The following FARP1 variants were observed in gnomAD, a reference collection of about 807,000 sequenced individuals.
FARP1 encodes FERM, ARH/RhoGEF and pleckstrin domain protein 1.
A neutral mutation model predicts 128.8 loss-of-function variants in FARP1; 52 were observed. The ratio of observed to expected loss-of-function variants is 0.40; its 90% confidence interval spans 0.32 to 0.51. The LOEUF is 0.51. FARP1 is among the 20% of genes least tolerant of loss of function. FARP1 has a pLI of 0.45. For missense variants in FARP1, 1,333 were observed against 1,367.9 expected (o/e 0.97, Z 0.40); for synonymous variants, 580 against 551.8 (o/e 1.05, Z -0.72).
chr13:98,221,414 C>T (rs1881406377), intron 2 of FARP1, among the ~76,000 whole-genome samples: 1 of 151,922 alleles, frequency 6.6e-6, no homozygotes, highest in Admixed American at 6.6e-5. Context: ...TGTGTAGTCT[C>T]ACATCAAACT....
chr13:98,262,280 C>T (rs1278520137), intron 2 of FARP1, among the ~76,000 whole-genome samples: 2 of 151,690 alleles, frequency 1.3e-5, no homozygotes, highest in Non-Finnish European at 2.9e-5. Flanking sequence ...CTTAGCCTCT[C>T]AAAGTGCTGG....
At chr13:98,309,231 A>G (rs1402666655) in intron 2 of FARP1, among the ~76,000 whole-genome samples, 16 of 119,496 alleles carry the variant, frequency 1.3e-4, no homozygotes, top group South Asian at 5.5e-4. Flanking sequence ...CAGTGGCGCA[A>G]TCTCGGCTCA....
intron 16 of FARP1, among the ~76,000 whole-genome samples, chr13:98,418,699 C>G (rs1195677845): frequency 6.6e-6 from 1 of 152,168 alleles, no homozygotes; most frequent in African/African-American, 2.4e-5. Context: ...AACCGTTTTG[C>G]CAATTGCCAG....
intron 14 of FARP1, among the ~76,000 whole-genome samples, chr13:98,410,437 A>G (rs1426734072): frequency 2.0e-5 from 3 of 152,140 alleles, no homozygotes; most frequent in African/African-American, 7.2e-5. Flanking sequence ...GCTGACGGTA[A>G]TTTTTACCTG....
intron 3 of FARP1, among the ~76,000 whole-genome samples, chr13:98,352,680 C>T (rs1243360858): frequency 1.3e-5 from 2 of 152,186 alleles, no homozygotes; most frequent in Non-Finnish European, 2.9e-5. Flanking sequence ...ATTTAAAAAA[C>T]AGAGACTTCA....
intron 2 of FARP1, among the ~76,000 whole-genome samples, chr13:98,266,944 G>A (rs1364973451): frequency 6.6e-6 from 1 of 150,790 alleles, no homozygotes; most frequent in Admixed American, 6.6e-5. Context: ...AACCTGGGAG[G>A]TGGAGGTTGC....
intron 2 of FARP1, among the ~76,000 whole-genome samples, chr13:98,243,279 C>T (rs1330809708): frequency 6.6e-6 from 1 of 152,160 alleles, no homozygotes; most frequent in African/African-American, 2.4e-5. Flanking sequence ...CTTTGACTGT[C>T]TCAGATATAC....
intron 2 of FARP1, among the ~76,000 whole-genome samples, chr13:98,337,888 G>T (rs971115322): frequency 6.6e-5 from 10 of 152,226 alleles, no homozygotes; most frequent in African/African-American, 2.2e-4. Flanking sequence ...TTTGGGTAAA[G>T]AAATATTAGC....
Position 98,446,733 on chromosome 13 carries a change from A to T in FARP1, c.2972A>T (p.Asn991Ile). The change falls in exon 26 of 27, where the codon AAC becomes ATC. Residue 991 changes from asparagine to isoleucine, a missense_variant. Asn to Ile is a moderately radical substitution (Grantham distance 149, BLOSUM62 -3). Transcript: ENST00000319562. Reference sequence around the variant, plus strand: ...CTCACCATCCCCTCTGAGTCCGAGAACATCCAGAAAGACTACGTGTTCAAG... The same window carrying T: ...CTCACCATCCCCTCTGAGTCCGAGATCATCCAGAAAGACTACGTGTTCAAG... Reference protein sequence around the residue: ...YSLTIPSESENIQKDYVFKLH... With the variant: ...YSLTIPSESEIIQKDYVFKLH... 6.2e-7 allele frequency: 1 copy of T among 1,614,182 alleles called. No individual in the cohort carries two copies. Among genetic ancestry groups the T allele is most frequent in the Non-Finnish European group, 8.5e-7 (1 of 1,180,022 alleles).
At chr13:98,189,521 G>A (rs941606548) in intron 1 of FARP1, among the ~76,000 whole-genome samples, 1 of 152,138 alleles carries the variant, frequency 6.6e-6, no homozygotes, top group Non-Finnish European at 1.5e-5. Context: ...GTATTATAAT[G>A]AGCAGAACAG....
In FARP1 at chr13:98,367,257, A is replaced by G. The variant is rs543943165; in HGVS notation, c.320-860A>G. 4.6e-5 allele frequency among the ~76,000 whole-genome samples: 7 copies of G among 152,104 alleles called. No homozygotes were observed. The South Asian group carries it at 1.5e-3, about 32-fold the overall frequency. On this transcript the variant is annotated intron_variant, in intron 4 of 26. Coordinates refer to ENST00000319562, the MANE Select transcript of FARP1 (RefSeq NM_005766.4). ...CTGCCATCTCCACTTCCTGGGTTCA[A>G]ATGAGTCTCATGCCTCAGCCTCCTG...
At chr13:98,414,730 T>C (rs1302360496) in intron 16 of FARP1, among the ~76,000 whole-genome samples, 1 of 152,172 alleles carries the variant, frequency 6.6e-6, no homozygotes, top group African/African-American at 2.4e-5. Flanking sequence ...GCCCAGAGCC[T>C]AGAAAAGGAT....
At chr13:98,229,585 C>T (rs1881991345) in intron 2 of FARP1, among the ~76,000 whole-genome samples, 1 of 151,806 alleles carries the variant, frequency 6.6e-6, no homozygotes, top group African/African-American at 2.4e-5. Context: ...ACTGCAGCCT[C>T]AACCACCTGG....
intron 1 of FARP1, among the ~76,000 whole-genome samples, chr13:98,182,413 C>A (rs1042705029): frequency 1.3e-5 from 2 of 152,194 alleles, no homozygotes; most frequent in Middle Eastern, 3.4e-3. Flanking sequence ...GCTGCCTCAC[C>A]CTCCTGGACT....
At chr13:98,350,697 A>T (rs1888381295) in intron 3 of FARP1, among the ~76,000 whole-genome samples, 1 of 151,872 alleles carries the variant, frequency 6.6e-6, no homozygotes, top group South Asian at 2.1e-4. Flanking sequence ...TTCCCTCTGT[A>T]CTTTTTAATT....
At position 98,244,458 on chromosome 13, in the gene FARP1, A is replaced by G. The variant is rs571688710; in HGVS notation, c.171+31045A>G. 5.7e-6 allele frequency: 9 copies of G among 1,589,626 alleles called. No individual in the cohort carries two copies. In the Admixed American group the frequency reaches 1.6e-4, roughly 29 times the overall value. On this transcript the variant is annotated intron_variant, in intron 2 of 26. Transcript: ENST00000319562. ...AAACAACAACAAAAAGCGCCTTTTC[A>G]AGGGAGTAGCATTTGCTCTCCTCTC...
At chr13:98,165,709 GGTTTTTTTTTT>G (rs1877203657) in intron 1 of FARP1, among the ~76,000 whole-genome samples, 4 of 102,406 alleles carry the variant, frequency 3.9e-5, no homozygotes, top group African/African-American at 1.4e-4. Context: ...TTCCAGAAGG[GGTTTTTTTTTT>G]TTTTTTTTTT....
chr13:98,207,908 C>A lies in FARP1; in HGVS notation c.-23-5312C>A, dbSNP rs558392. On this transcript the variant is annotated intron_variant, in intron 1 of 26. Coordinates refer to ENST00000319562, the MANE Select transcript of FARP1 (RefSeq NM_005766.4). ...ATATACTGCTCCCCGACCACCACCT[C>A]CACACACACACACACACACACACAC... 4.4e-3 allele frequency among the ~76,000 whole-genome samples: 316 copies of A among 71,602 alleles called. 5 individuals are homozygous for A. The highest frequency in any genetic ancestry group is 0.018 in the African/African-American group (302 of 16,348). 47.0% of individuals were successfully genotyped at this position (71,602 alleles called of 152,430 possible).
intron 8 of FARP1, among the ~76,000 whole-genome samples, chr13:98,386,187 CTTTTTT>C (rs138218092): frequency 2.1e-5 from 2 of 93,032 alleles, no homozygotes; most frequent in Non-Finnish European, 4.2e-5. Context: ...TAATGTGATC[CTTTTTT>C]TTTTTTTTTT....
Sources: gnomAD v4.1 joint callset for allele counts (sites outside exome capture counted in the v4.1 genomes callset) on GRCh38, gnomAD v4.1.1 for gene constraint, MANE v1.5 for transcripts, NCBI Gene and HGNC (gene_info 2026-07-23, HGNC 2026-07-21) for gene names.